Variants in GRIN2B observed in about 807,000 individuals in gnomAD.
GRIN2B encodes glutamate ionotropic receptor NMDA type subunit 2B.
Under a neutral mutation model 114.5 loss-of-function variants are expected in GRIN2B, and 5 were observed. That is an observed-to-expected ratio of 0.04 (90% CI 0.02 to 0.09). The LOEUF is 0.09. Ranked by LOEUF, GRIN2B falls within the 10% of genes least tolerant of loss-of-function variation. The pLI, the probability that GRIN2B is intolerant of heterozygous loss-of-function variation, is 1.00. For synonymous variants in GRIN2B, 787 were observed against 745.1 expected, an observed-to-expected ratio of 1.06 and a Z score of -0.92; for missense variants, 1,108 against 1,943.5, an observed-to-expected ratio of 0.57 and a Z score of 8.08.
intron 3 of GRIN2B, among the ~76,000 whole-genome samples, chr12:13,790,145 G>T (rs757263131): frequency 2.6e-5 from 4 of 152,106 alleles, no homozygotes; most frequent in Non-Finnish European, 5.9e-5. Context: ...CTCCTCTCCT[G>T]GCCTCCATCT....
intron 3 of GRIN2B, among the ~76,000 whole-genome samples, chr12:13,827,155 G>T (rs1245239235): frequency 1.4e-5 from 2 of 143,308 alleles, no homozygotes; most frequent in Admixed American, 6.9e-5. Context: ...TTTTCCCTCT[G>T]GCTGTTTTAA....
chr12:13,914,839 G>C (rs1213498280), intron 2 of GRIN2B, among the ~76,000 whole-genome samples: 2 of 152,154 alleles, frequency 1.3e-5, no homozygotes, highest in East Asian at 1.9e-4. Context: ...AATATTGCAT[G>C]TTCTCACTCT....
intron 4 of GRIN2B, among the ~76,000 whole-genome samples, chr12:13,713,033 A>G (rs1200836380): frequency 2.0e-5 from 3 of 151,918 alleles, no homozygotes; most frequent in African/African-American, 4.8e-5. Flanking sequence ...CCCTCCTTCA[A>G]TATGCTTACC....
At chr12:13,832,665 C>G (rs1218982475) in intron 3 of GRIN2B, among the ~76,000 whole-genome samples, 1 of 152,084 alleles carries the variant, frequency 6.6e-6, no homozygotes, top group Admixed American at 6.5e-5. Flanking sequence ...TTAATGGTTG[C>G]TTATCATCCA....
intron 10 of GRIN2B, among the ~76,000 whole-genome samples, chr12:13,601,534 T>C (rs11055535): frequency 0.075 from 11,377 of 151,352 alleles, 602 homozygotes; most frequent in South Asian, 0.13. Flanking sequence ...TTTTTTTTTC[T>C]AAACAAGGTC....
Position 13,554,907 on chromosome 12 carries a change from G to A in GRIN2B, c.*7876C>T, listed in dbSNP as rs1565448054. On this transcript the variant is annotated 3_prime_UTR_variant, in exon 14 of 14. Transcript: ENST00000609686. Reference sequence around the variant, plus strand: ...GCAAAAGGAGGAAGTTGGTGATTATGTTGGTTTGCAGCAATGGTTTTGGAT... The same window carrying A: ...GCAAAAGGAGGAAGTTGGTGATTATATTGGTTTGCAGCAATGGTTTTGGAT... The A allele has an allele frequency of 6.6e-6, 1 of 152,306 alleles. No individual in the cohort carries two copies. The highest frequency in any genetic ancestry group is 2.1e-4 in the South Asian group (1 of 4,824). The allele number at this position is 152,306 out of a possible 1,614,324, so 9.4% of individuals were successfully genotyped here. A position where few individuals can be genotyped will look rare whatever the true frequency, so the allele number is the denominator to read the frequency against.
chr12:13,760,938 T>C (rs1455323818), intron 3 of GRIN2B, among the ~76,000 whole-genome samples: 1 of 152,232 alleles, frequency 6.6e-6, no homozygotes, highest in Non-Finnish European at 1.5e-5. Context: ...TTCTTTAGCA[T>C]GGCTTTGAAT....
chr12:13,914,150 C>T (rs1866670980), intron 2 of GRIN2B, among the ~76,000 whole-genome samples: 1 of 152,112 alleles, frequency 6.6e-6, no homozygotes, highest in Non-Finnish European at 1.5e-5. Flanking sequence ...AATGAATGAA[C>T]TGGGGCAACC....
intron 9 of GRIN2B, among the ~76,000 whole-genome samples, chr12:13,609,787 A>T (rs1490958252): frequency 1.3e-5 from 2 of 151,898 alleles, no homozygotes. Flanking sequence ...AAAAAAAAAA[A>T]AGAATATCAG....
chr12:13,579,205 C>T (rs952525316), intron 10 of GRIN2B, among the ~76,000 whole-genome samples: 1 of 152,136 alleles, frequency 6.6e-6, no homozygotes, highest in African/African-American at 2.4e-5. Context: ...TTGCCAGAGC[C>T]TAGCAGGTAT....
intron 2 of GRIN2B, among the ~76,000 whole-genome samples, chr12:13,900,513 G>T (rs547501436): frequency 5.3e-5 from 8 of 151,930 alleles, no homozygotes; most frequent in African/African-American, 1.9e-4. Flanking sequence ...TATGCACATT[G>T]TTCCAAATTC....
intron 5 of GRIN2B, among the ~76,000 whole-genome samples, chr12:13,644,800 A>G (rs1476933913): frequency 6.6e-6 from 1 of 152,182 alleles, no homozygotes; most frequent in African/African-American, 2.4e-5. Flanking sequence ...CTTAAACCTC[A>G]TGAAGTAACC....
intron 2 of GRIN2B, among the ~76,000 whole-genome samples, chr12:13,892,189 C>T (rs969362520): frequency 2.0e-5 from 3 of 152,032 alleles, no homozygotes; most frequent in East Asian, 1.9e-4. Flanking sequence ...GAAACACAAC[C>T]GTCCCAAAGA....
chr12:13,580,234 G>A (rs1653701604), intron 10 of GRIN2B, among the ~76,000 whole-genome samples: 1 of 152,198 alleles, frequency 6.6e-6, no homozygotes, highest in South Asian at 2.1e-4. Flanking sequence ...AAGCAGCTCT[G>A]TTAAAATGAA....
At position 13,562,484 on chromosome 12, in the gene GRIN2B, G is replaced by T; in HGVS notation, c.*299C>A. ...CACACCAGGAGGAAGCCCGCATGCA[G>T]CCCTTCCTTTCTCCGCTCTACCCTC... On this transcript the variant is annotated 3_prime_UTR_variant, in exon 14 of 14. Transcript: ENST00000609686. 2.5e-6 allele frequency: 1 copy of T among 394,956 alleles called. No individual in the cohort carries two copies. The allele number at this position is 394,956 out of a possible 1,614,324, so 24.5% of individuals were successfully genotyped here.
chr12:13,637,227 G>A (rs1402225220), intron 5 of GRIN2B, among the ~76,000 whole-genome samples: 1 of 152,156 alleles, frequency 6.6e-6, no homozygotes, highest in Non-Finnish European at 1.5e-5. Context: ...AGTTTTGAGA[G>A]CTAAAGAGAA....
chr12:13,675,982 T>C (rs1950070703), intron 4 of GRIN2B, 123 bp from the exon 5 acceptor site: 1 of 681,524 alleles, frequency 1.5e-6, no homozygotes, highest in Non-Finnish European at 2.7e-6. Context: ...ACAGATACCA[T>C]TATCAAATTT....
intron 3 of GRIN2B, among the ~76,000 whole-genome samples, chr12:13,827,636 T>C (rs1865068734): frequency 6.7e-6 from 1 of 150,114 alleles, no homozygotes; most frequent in Non-Finnish European, 1.5e-5. Context: ...TTCTTCATCA[T>C]GTTCATGTCT....
chr12:13,564,679 G>A lies in GRIN2B; in HGVS notation c.2599-40C>T. On this transcript the variant is annotated intron_variant, in intron 13 of 13. Coordinates refer to ENST00000609686, the MANE Select transcript of GRIN2B (RefSeq NM_000834.5). The surrounding 1 kb of genome is among the most constrained non-coding windows in gnomAD (Gnocchi z 4.8). ...GAGGGACAGGTTAGATCTCCAGAGA[G>A]GCTAGAAATGACCACAAAAAACACT... 1 of 1,579,886 alleles carries A rather than the reference G, an allele frequency of 6.3e-7. No individual in the cohort carries two copies. Among genetic ancestry groups the A allele is most frequent in the South Asian group, 1.1e-5 (1 of 90,388 alleles).
Sources: allele counts gnomAD v4.1 joint callset (sites outside exome capture counted in the v4.1 genomes callset), GRCh38; gene constraint gnomAD v4.1.1; non-coding constraint Gnocchi (gnomAD v3.1); transcripts MANE v1.5; gene names NCBI Gene and HGNC (gene_info 2026-07-23, HGNC 2026-07-21).